Variants in LPIN1 observed in about 807,000 individuals in gnomAD.
LPIN1 encodes lipin 1.
A neutral mutation model predicts 107.5 loss-of-function variants in LPIN1; 71 were observed. The observed-to-expected ratio is 0.66, with a 90% CI of 0.55 to 0.80. The LOEUF is 0.80. Among genes scored for constraint, LPIN1 ranks in the 30% least tolerant of loss-of-function variants. LPIN1 has a pLI of 0.00. For synonymous variants in LPIN1, 445 were observed against 452.6 expected (o/e 0.98, Z 0.21); for missense variants, 1,043 against 1,160.6 (o/e 0.90, Z 1.47).
intron 1 of LPIN1, among the ~76,000 whole-genome samples, chr2:11,760,222 C>T (rs1172073393): frequency 1.3e-5 from 2 of 151,960 alleles, no homozygotes; most frequent in Non-Finnish European, 2.9e-5. Context: ...AGAGGGGCTC[C>T]TCACATCCCA....
chr2:11,703,699 T>C (rs929820144), intron 1 of LPIN1, among the ~76,000 whole-genome samples: 11 of 152,116 alleles, frequency 7.2e-5, no homozygotes, highest in African/African-American at 2.4e-4. Context: ...TACAAATACA[T>C]AGATGCAGTT....
intron 1 of LPIN1, among the ~76,000 whole-genome samples, chr2:11,699,303 A>G (rs934294806): frequency 2.0e-5 from 3 of 152,144 alleles, no homozygotes; most frequent in Non-Finnish European, 4.4e-5. Flanking sequence ...CTTTCTAGGG[A>G]ACACTTTCTT....
At chr2:11,795,259 G>A (rs1676458809) in intron 13 of LPIN1, 149 bp from the exon 14 acceptor site, 1 of 700,226 alleles carries the variant, frequency 1.4e-6, no homozygotes, top group Non-Finnish European at 2.6e-6. Context: ...CACAGCCAGA[G>A]CCTCCTGGGC....
intron 1 of LPIN1, among the ~76,000 whole-genome samples, chr2:11,712,577 T>C (rs1345313951): frequency 6.6e-6 from 1 of 152,194 alleles, no homozygotes; most frequent in Admixed American, 6.5e-5. Flanking sequence ...TGTCATGATG[T>C]AAAGCAACAC....
chr2:11,678,558 G>A lies in LPIN1; in HGVS notation c.81+830G>A, dbSNP rs1323170588. Among the ~76,000 whole-genome samples, 3 of 152,302 alleles carry A rather than the reference G, an allele frequency of 2.0e-5. No homozygotes were observed. In the East Asian group the frequency reaches 5.8e-4, roughly 29 times the overall value. ...TGCTTAGGGGGCAGGGAGACCCGGG[G>A]TTTTCTGCATCCTAGGGGGATAGAG... is the stretch of plus-strand genomic sequence containing the variant. On this transcript the variant is annotated intron_variant, in intron 1 of 21. Transcript: ENST00000449576.
intron 1 of LPIN1, among the ~76,000 whole-genome samples, chr2:11,727,239 T>C (rs1381576135): frequency 6.6e-6 from 1 of 152,242 alleles, no homozygotes; most frequent in African/African-American, 2.4e-5. Context: ...ATGTACTAAC[T>C]GGAATTCTTC....
At chr2:11,785,257 G>C (rs1469224119) in intron 10 of LPIN1, among the ~76,000 whole-genome samples, 181 bp downstream of exon 10, 1 of 152,236 alleles carries the variant, frequency 6.6e-6, no homozygotes, top group African/African-American at 2.4e-5. Context: ...GTCGGCCTCA[G>C]AGTTCTGTGG....
At chr2:11,804,282 G>A (rs1225556329) in intron 15 of LPIN1, 141 bp from the exon 16 acceptor site, 1 of 893,552 alleles carries the variant, frequency 1.1e-6, no homozygotes, top group East Asian at 2.6e-5. Flanking sequence ...GAAGGGTGGG[G>A]AAAGAAAGAA....
At chr2:11,743,711 C>G (rs1222619722), upstream of LPIN1, among the ~76,000 whole-genome samples, 1 of 152,194 alleles carries the variant, frequency 6.6e-6, no homozygotes, top group Non-Finnish European at 1.5e-5. The surrounding 1 kb of genome is among the most constrained non-coding windows in gnomAD (Gnocchi z 4.7). Flanking sequence ...ATCCTTTCTG[C>G]CCGGGCAGTT....
At chr2:11,788,172 G>T (rs534912398) in intron 11 of LPIN1, among the ~76,000 whole-genome samples, 1 of 152,106 alleles carries the variant, frequency 6.6e-6, no homozygotes, top group African/African-American at 2.4e-5. Context: ...CTGCTGGCAC[G>T]GCTGCTGCTG....
chr2:11,698,313 A>T (rs1572340316), intron 1 of LPIN1, among the ~76,000 whole-genome samples: 1 of 152,266 alleles, frequency 6.6e-6, no homozygotes, highest in African/African-American at 2.4e-5. Context: ...AAGGCACTGG[A>T]TGTACTTGAA....
intron 1 of LPIN1, among the ~76,000 whole-genome samples, chr2:11,693,811 TATATATA>T (rs1558723661): frequency 2.8e-4 from 10 of 35,804 alleles, no homozygotes; most frequent in East Asian, 7.0e-4. Flanking sequence ...TATATATATA[TATATATA>T]TATATTTTTT....
At chr2:11,689,658 G>T (rs1662173603) in intron 1 of LPIN1, among the ~76,000 whole-genome samples, 1 of 152,216 alleles carries the variant, frequency 6.6e-6, no homozygotes, top group East Asian at 1.9e-4. Flanking sequence ...TGTAATCCCA[G>T]CACTTTGGGC....
In LPIN1 at chr2:11,782,207, T is replaced by C; in HGVS notation, c.964T>C (p.Ser322Pro). ...GELPQAAKSS[S>P]PHKMKESSPL... ...TCTCTCCTCTTTGCTCTAGTCTTCT[T>C]CTCCACACAAGATGAAAGAGTCCAG... Residue 322 changes from serine (S) to proline (P), a missense_variant, in exon 8 of 21, where the codon TCT becomes CCT. Coordinates refer to ENST00000674199, the MANE Select transcript of LPIN1 (RefSeq NM_001349206.2). 1 of 1,613,342 alleles carries C rather than the reference T, an allele frequency of 6.2e-7. No homozygotes were observed. Among genetic ancestry groups the C allele is most frequent in the Non-Finnish European group, 8.5e-7 (1 of 1,179,630 alleles).
At chr2:11,767,138 C>A (rs1671042209) in intron 2 of LPIN1, among the ~76,000 whole-genome samples, 1 of 152,170 alleles carries the variant, frequency 6.6e-6, no homozygotes, top group African/African-American at 2.4e-5. Context: ...AGAAACAAAT[C>A]CTTGCAAATA....
At chr2:11,693,414 G>A (rs1479398292) in intron 1 of LPIN1, among the ~76,000 whole-genome samples, 1 of 152,064 alleles carries the variant, frequency 6.6e-6, no homozygotes, top group Admixed American at 6.5e-5. Flanking sequence ...TAAATCTAGA[G>A]CCCTGCACTA....
chr2:11,748,529 T>C (rs1667303202), intron 1 of LPIN1, among the ~76,000 whole-genome samples: 1 of 152,188 alleles, frequency 6.6e-6, no homozygotes, highest in Non-Finnish European at 1.5e-5. Flanking sequence ...TGGAACATAA[T>C]ATGGGGTCCA....
chr2:11,761,186 C>A (rs1341118593), intron 1 of LPIN1, among the ~76,000 whole-genome samples: 1 of 152,082 alleles, frequency 6.6e-6, no homozygotes, highest in Non-Finnish European at 1.5e-5. Flanking sequence ...TAGAGGGTTA[C>A]CTCTCTTACC....
rs760626676 is a variant in LPIN1 at position 11,791,950 on chromosome 2, A to C, written c.1750A>C (p.Lys584Gln). 8 of 1,613,722 alleles carry C rather than the reference A, an allele frequency of 5.0e-6. No individual in the cohort carries two copies. Among genetic ancestry groups the C allele is most frequent in the East Asian group, 2.2e-5 (1 of 44,884 alleles). Residue 584 changes from lysine (K) to glutamine (Q), a missense_variant, in exon 13 of 21, where the codon AAA becomes CAA. By Grantham distance (53) the Lys-to-Gln change is moderately conservative. Coordinates refer to ENST00000674199, the MANE Select transcript of LPIN1 (RefSeq NM_001349206.2). ...VESIMRDKMP[K>Q]KGGRWWFSWR... ...ATCTATCATGAGGGATAAAATGCCCAAAAAGGGAGGAAGATGGTGGTTTTC... is the reference window on the plus strand; with the variant it reads ...ATCTATCATGAGGGATAAAATGCCCCAAAAGGGAGGAAGATGGTGGTTTTC...
Sources: allele counts gnomAD v4.1 joint callset (sites outside exome capture counted in the v4.1 genomes callset), GRCh38; gene constraint gnomAD v4.1.1; non-coding constraint Gnocchi (gnomAD v3.1); transcripts MANE v1.5; gene names NCBI Gene and HGNC (gene_info 2026-07-23, HGNC 2026-07-21).